The following GLIS3 variants were observed in gnomAD, a reference collection of about 807,000 sequenced individuals.
The protein encoded by GLIS3 is GLIS family zinc finger 3.
GLIS3 carries 53 observed loss-of-function variants against 78.6 expected under a neutral mutation model. The observed-to-expected ratio is 0.67, with a 90% confidence interval of 0.54 to 0.85. The LOEUF is 0.85. Among genes scored for constraint, GLIS3 ranks in the 40% least tolerant of loss-of-function variants. The pLI, the probability that GLIS3 is intolerant of heterozygous loss-of-function variation, is 0.00. For missense variants in GLIS3, 1,703 were observed against 1,231.1 expected (o/e 1.38, Z -5.74); for synonymous variants, 684 against 509.9 (o/e 1.34, Z -4.60).
chr9:4,371,814 C>A, the GLIS3 span, among the ~76,000 whole-genome samples: 5 of 152,198 alleles, frequency 3.3e-5, no homozygotes, highest in Admixed American at 2.6e-4. Context: ...GCTCCAGTTG[C>A]CCTGAAGATC....
chr9:4,360,224 C>T, the GLIS3 span, among the ~76,000 whole-genome samples: 5 of 152,130 alleles, frequency 3.3e-5, no homozygotes, highest in Admixed American at 6.6e-5. Context: ...GGCTTTTAGT[C>T]AGTTTAACAT....
At position 3,828,281 on chromosome 9, in the gene GLIS3, G is replaced by A. The variant is rs777119496; in HGVS notation, c.2784C>T (p.Thr928=). The A allele has an allele frequency of 1.9e-5, 31 of 1,613,966 alleles. No homozygotes were observed. Among genetic ancestry groups the A allele is most frequent in the Middle Eastern group, 1.6e-4 (1 of 6,070 alleles). ...RCPSQLSSVY[T]EG ...GTGGCCAAGAGAGCTTTTAGCCTTCGGTGTAGACAGAGGAGAGCTGGCTAG... is the reference window on the plus strand; with the variant it reads ...GTGGCCAAGAGAGCTTTTAGCCTTCAGTGTAGACAGAGGAGAGCTGGCTAG... The change falls in exon 11 of 11, where the codon ACC becomes ACT. Residue 928 remains threonine, a synonymous_variant. Coordinates refer to ENST00000381971, the MANE Select transcript of GLIS3 (RefSeq NM_001042413.2).
At chr9:4,348,795 A>C (rs1000303541), upstream of GLIS3, among the ~76,000 whole-genome samples, 1 of 152,232 alleles carries the variant, frequency 6.6e-6, no homozygotes, top group African/African-American at 2.4e-5. Context: ...GATTAAAAAG[A>C]TATAAGCTCA....
the GLIS3 span, among the ~76,000 whole-genome samples, chr9:4,483,837 G>A: frequency 2.0e-5 from 3 of 152,088 alleles, no homozygotes; most frequent in South Asian, 6.2e-4. Flanking sequence ...ACAAGGAGCT[G>A]AATCTTTTTG....
intron 9 of GLIS3, among the ~76,000 whole-genome samples, chr9:3,840,752 G>A (rs947208077): frequency 6.6e-5 from 10 of 152,134 alleles, no homozygotes; most frequent in African/African-American, 1.7e-4. Flanking sequence ...AAAAGTCCAC[G>A]TGGTTCCAAG....
In GLIS3 at chr9:3,828,364, G is replaced by T. The variant is rs1817842029; in HGVS notation, c.2701C>A (p.Leu901Ile). The change falls in exon 11 of 11, where the codon CTC (leucine) becomes ATC (isoleucine). Residue 901 changes from leucine to isoleucine, a missense_variant. Leu to Ile is a conservative substitution (Grantham distance 5). Transcript: ENST00000381971. ...GTAGCATCTTCAGCCCCGCTGCGGA[G>T]AGACTCCCCAAAGAGGCTCGAGGAA... is the stretch of plus-strand genomic sequence containing the variant. ...SSSSSLFGESLRSGAEDATFL... is the reference protein window; with the variant it reads ...SSSSSLFGESIRSGAEDATFL... 1.2e-6 allele frequency: 2 copies of T among 1,613,878 alleles called. No individual in the cohort carries two copies. The highest frequency in any genetic ancestry group is 1.7e-6 in the Non-Finnish European group (2 of 1,180,024).
rs1159538828 is a variant in GLIS3 at position 4,260,757 on chromosome 9, A to G, written c.388+25281T>C. Among the ~76,000 whole-genome samples, 4 of 152,064 alleles carry G rather than the reference A, an allele frequency of 2.6e-5. No homozygotes were observed. In the East Asian group the frequency reaches 7.7e-4, roughly 29 times the overall value. ...AAGACTCCGTCCCAAAAAAGAAAAAAAAAGAAAAAAAGGACTGACTTGTCA... is the reference window on the plus strand; with the variant it reads ...AAGACTCCGTCCCAAAAAAGAAAAAGAAAGAAAAAAAGGACTGACTTGTCA... On this transcript the variant is annotated intron_variant, in intron 2 of 10. Coordinates refer to ENST00000381971, the MANE Select transcript of GLIS3 (RefSeq NM_001042413.2).
intron 4 of GLIS3, among the ~76,000 whole-genome samples, chr9:3,947,665 T>C (rs1026960660): frequency 1.3e-5 from 2 of 152,204 alleles, no homozygotes; most frequent in African/African-American, 4.8e-5. Context: ...CTGAGTTTAT[T>C]CCAAAAAACG....
chr9:4,250,104 G>A (rs1039941049), intron 2 of GLIS3, among the ~76,000 whole-genome samples: 10 of 152,152 alleles, frequency 6.6e-5, no homozygotes, highest in Non-Finnish European at 1.3e-4. Flanking sequence ...TCTCTGCCAG[G>A]TTTTGGTATC....
Position 3,977,685 on chromosome 9 carries a change from T to C in GLIS3, c.1711-40496A>G, listed in dbSNP as rs534692966. On this transcript the variant is annotated intron_variant, in intron 4 of 10. Coordinates refer to ENST00000381971, the MANE Select transcript of GLIS3 (RefSeq NM_001042413.2). The surrounding 1 kb of genome is among the most constrained non-coding windows in gnomAD (Gnocchi z 4.1). Reference sequence around the variant, plus strand: ...GAATGACGGCTTAGTTCAAAGATCATAGAGATGTTACTTTACTTTAATAGT... The same window carrying C: ...GAATGACGGCTTAGTTCAAAGATCACAGAGATGTTACTTTACTTTAATAGT... 6.6e-6 allele frequency among the ~76,000 whole-genome samples: 1 copy of C among 152,344 alleles called. No individual in the cohort carries two copies. Among genetic ancestry groups the C allele is most frequent in the African/African-American group, 2.4e-5 (1 of 41,592 alleles).
At chr9:4,307,444 G>T (rs1464672609) in intron 4 of GLIS3, among the ~76,000 whole-genome samples, 1 of 152,130 alleles carries the variant, frequency 6.6e-6, no homozygotes, top group East Asian at 1.9e-4. Flanking sequence ...CAAGCCTGCT[G>T]TTTTATCTCC....
At position 4,131,628 on chromosome 9, in the gene GLIS3, A is replaced by G. The variant is rs190248764; in HGVS notation, c.389-5687T>C. On this transcript the variant is annotated intron_variant, in intron 2 of 10. Coordinates refer to ENST00000381971, the MANE Select transcript of GLIS3 (RefSeq NM_001042413.2). ...TGCTTCACCTTCACTTTCTGCCATC[A>G]TTGAAAGTTTCCTGAGGCCACCCCA... is the stretch of plus-strand genomic sequence containing the variant. 1.6e-3 allele frequency among the ~76,000 whole-genome samples: 239 copies of G among 152,294 alleles called. 2 individuals are homozygous for G. The highest frequency in any genetic ancestry group is 5.2e-3 in the African/African-American group (217 of 41,558).
chr9:4,319,041 G>A (rs768654167), intron 2 of GLIS3, among the ~76,000 whole-genome samples: 4 of 152,108 alleles, frequency 2.6e-5, no homozygotes, highest in Non-Finnish European at 4.4e-5. Flanking sequence ...TAAAACAGCT[G>A]GCCTGTACTC....
chr9:4,397,686 G>C, the GLIS3 span, among the ~76,000 whole-genome samples: 2 of 14,018 alleles, frequency 1.4e-4, no homozygotes, highest in Non-Finnish European at 1.0e-3. Context: ...GGAAGGGAGG[G>C]AGGGAGGGAG....
intron 8 of GLIS3, among the ~76,000 whole-genome samples, chr9:3,878,988 T>C (rs777209699): frequency 2.0e-5 from 3 of 152,136 alleles, no homozygotes; most frequent in Non-Finnish European, 2.9e-5. Flanking sequence ...CAGAAGTCCT[T>C]TGTGAGACAG....
At chr9:4,280,851 G>C (rs941626047) in intron 2 of GLIS3, among the ~76,000 whole-genome samples, 3 of 151,954 alleles carry the variant, frequency 2.0e-5, no homozygotes, top group African/African-American at 7.3e-5. Flanking sequence ...TTGGACCAGA[G>C]AGAGCGGAGT....
chr9:4,069,959 G>A (rs1324099467), intron 4 of GLIS3, among the ~76,000 whole-genome samples: 3 of 152,082 alleles, frequency 2.0e-5, no homozygotes, highest in African/African-American at 7.2e-5. Flanking sequence ...TCCCTGACAT[G>A]ACTGTCAGAG....
the GLIS3 span, among the ~76,000 whole-genome samples, chr9:4,449,670 C>G: frequency 6.6e-6 from 1 of 152,190 alleles, no homozygotes; most frequent in Admixed American, 6.5e-5. Context: ...ATTTGCTGCT[C>G]TGCAGCCTCT....
intron 2 of GLIS3, among the ~76,000 whole-genome samples, chr9:4,312,227 G>A (rs1817373898): frequency 6.6e-6 from 1 of 152,190 alleles, no homozygotes; most frequent in African/African-American, 2.4e-5. Flanking sequence ...CAGCATTTTG[G>A]GAGGCCAAGG....
Sources: allele counts gnomAD v4.1 joint callset (sites outside exome capture counted in the v4.1 genomes callset), GRCh38; gene constraint gnomAD v4.1.1; non-coding constraint Gnocchi (gnomAD v3.1); transcripts MANE v1.5; gene names NCBI Gene and HGNC (gene_info 2026-07-23, HGNC 2026-07-21).